The following KAZN variants were observed in gnomAD, a reference collection of about 807,000 sequenced individuals.
The protein encoded by KAZN is kazrin, periplakin interacting protein, also known as kazrin.
Under a neutral mutation model 87.4 loss-of-function variants are expected in KAZN, and 40 were observed. The observed-to-expected ratio is 0.46, with a 90% CI of 0.36 to 0.60. The LOEUF (loss-of-function observed/expected upper bound fraction) is 0.60. Among genes scored for constraint, KAZN ranks in the 20% least tolerant of loss-of-function variants. The pLI, the probability that KAZN is intolerant of heterozygous loss-of-function variation, is 0.00. For synonymous variants in KAZN, 466 were observed against 458.3 expected, an observed-to-expected ratio of 1.02 and a Z score of -0.22; for missense variants, 898 against 1,073.9, an observed-to-expected ratio of 0.84 and a Z score of 2.29.
At chr1:14,816,098 G>A (rs1397462918) in intron 1 of KAZN, among the ~76,000 whole-genome samples, 1 of 152,128 alleles carries the variant, frequency 6.6e-6, no homozygotes, top group East Asian at 1.9e-4. Context: ...CAAGAGGAGG[G>A]TAGGATGGCT....
At chr1:14,725,470 TTTTC>T (rs1244004382) in intron 1 of KAZN, among the ~76,000 whole-genome samples, 153 of 152,182 alleles carry the variant, frequency 1.0e-3, no homozygotes, top group African/African-American at 3.7e-3. Flanking sequence ...CTTTTTTTTT[TTTTC>T]TTTCTTTCTC....
At chr1:14,419,791 G>A (rs1465690595) in intron 2 of KAZN, among the ~76,000 whole-genome samples, 2 of 152,030 alleles carry the variant, frequency 1.3e-5, no homozygotes, top group East Asian at 1.9e-4. Flanking sequence ...ATCCGGAGTT[G>A]TTCATTCCTC....
intron 1 of KAZN, among the ~76,000 whole-genome samples, chr1:14,904,984 A>G (rs1360868604): frequency 1.3e-5 from 2 of 151,852 alleles, no homozygotes; most frequent in African/African-American, 4.8e-5. Flanking sequence ...GATGGTCTCA[A>G]TCTCCTGACC....
chr1:14,284,717 G>A (rs1010132901), intron 2 of KAZN, among the ~76,000 whole-genome samples: 10 of 152,224 alleles, frequency 6.6e-5, no homozygotes, highest in Admixed American at 2.0e-4. Flanking sequence ...GGAGACCATA[G>A]AGCAGCCCAG....
intron 1 of KAZN, among the ~76,000 whole-genome samples, chr1:14,045,718 C>A (rs188172245): frequency 6.6e-6 from 1 of 152,280 alleles, no homozygotes; most frequent in Admixed American, 6.5e-5. Flanking sequence ...TTGCTTATTA[C>A]TGAGCCTTAG....
chr1:14,873,364 A>G (rs545221133), intron 1 of KAZN, among the ~76,000 whole-genome samples: 2 of 152,372 alleles, frequency 1.3e-5, no homozygotes, highest in African/African-American at 4.8e-5. Context: ...AGCAGTAAGC[A>G]CTATGAAGGA....
At chr1:14,355,545 A>G (rs1658949509) in intron 2 of KAZN, among the ~76,000 whole-genome samples, 1 of 152,002 alleles carries the variant, frequency 6.6e-6, no homozygotes, top group African/African-American at 2.4e-5. Context: ...TCATTGATCT[A>G]CATTAGGTAT....
chr1:13,904,754 A>T (rs1639374559), intron 1 of KAZN, among the ~76,000 whole-genome samples: 1 of 152,050 alleles, frequency 6.6e-6, no homozygotes, highest in South Asian at 2.1e-4. Context: ...AATTTTATTT[A>T]TCCTATCTGG....
intron 2 of KAZN, among the ~76,000 whole-genome samples, chr1:14,574,998 G>T (rs1675092082): frequency 6.6e-6 from 1 of 151,488 alleles, no homozygotes. Context: ...GAAAGGCGCA[G>T]GTGTGGGAGC....
intron 2 of KAZN, among the ~76,000 whole-genome samples, chr1:14,272,664 C>G (rs1424243820): frequency 6.6e-6 from 1 of 151,998 alleles, no homozygotes; most frequent in African/African-American, 2.4e-5. Context: ...CAAGACCAGC[C>G]TGGCCAACAT....
chr1:14,861,289 G>A (rs1650818049), intron 1 of KAZN, among the ~76,000 whole-genome samples: 1 of 152,178 alleles, frequency 6.6e-6, no homozygotes, highest in East Asian at 1.9e-4. Flanking sequence ...TGAGGCGGGA[G>A]GATCACTTGA....
intron 1 of KAZN, among the ~76,000 whole-genome samples, chr1:14,129,561 T>G (rs979144885): frequency 7.9e-5 from 12 of 152,206 alleles, no homozygotes; most frequent in Non-Finnish European, 1.5e-4. Flanking sequence ...TGCCCATCTG[T>G]GGGGCTGTGC....
chr1:14,615,324 G>T (rs1190966342), intron 1 of KAZN, among the ~76,000 whole-genome samples: 1 of 152,148 alleles, frequency 6.6e-6, no homozygotes, highest in African/African-American at 2.4e-5. Context: ...CAACTAAGAG[G>T]CTAAAGAAGA....
At chr1:14,388,204 G>T (rs879660668) in intron 2 of KAZN, among the ~76,000 whole-genome samples, 22 of 152,084 alleles carry the variant, frequency 1.4e-4, no homozygotes, top group Non-Finnish European at 2.8e-4. Context: ...CCTGACCTGC[G>T]CCCACTGTCT....
intron 2 of KAZN, among the ~76,000 whole-genome samples, chr1:14,240,584 C>T (rs1405332038): frequency 6.6e-6 from 1 of 152,228 alleles, no homozygotes; most frequent in African/African-American, 2.4e-5. Context: ...GCAGCATCTA[C>T]TCCATCCCCC....
intron 2 of KAZN, among the ~76,000 whole-genome samples, chr1:14,552,885 C>T (rs1673628187): frequency 6.6e-6 from 1 of 152,092 alleles, no homozygotes; most frequent in African/African-American, 2.4e-5. Flanking sequence ...GGAGTGACTC[C>T]AGCTTGTGTG....
In KAZN at chr1:14,539,048, A is replaced by G. The variant is rs1215316998; in HGVS notation, c.250-59935A>G. On this transcript the variant is annotated intron_variant, in intron 2 of 16. Transcript: ENST00000636203. ...ATTTTAACAAGGGAAGGACTATACC[A>G]GTGCATATGGATTGAAAAGCAACCT... Among the ~76,000 whole-genome samples the G allele has an allele frequency of 3.9e-5, 6 of 152,350 alleles. No homozygotes were observed. The East Asian group carries it at 7.7e-4, about 20-fold the overall frequency.
intron 2 of KAZN, among the ~76,000 whole-genome samples, chr1:15,026,554 T>C (rs914913187): frequency 6.6e-6 from 1 of 152,078 alleles, no homozygotes; most frequent in Non-Finnish European, 1.5e-5. Flanking sequence ...CACCCCCAAC[T>C]CTGAAGCTGT....
At chr1:14,737,366 C>T (rs1005608829) in intron 1 of KAZN, among the ~76,000 whole-genome samples, 1 of 152,058 alleles carries the variant, frequency 6.6e-6, no homozygotes, top group Non-Finnish European at 1.5e-5. Flanking sequence ...CAGGGATCCT[C>T]CACGGTATGC....
Sources: gnomAD v4.1 joint callset for allele counts (sites outside exome capture counted in the v4.1 genomes callset) on GRCh38, gnomAD v4.1.1 for gene constraint, MANE v1.5 for transcripts, NCBI Gene and HGNC (gene_info 2026-07-23, HGNC 2026-07-21) for gene names.